The following ABHD17C variants were observed in gnomAD, a reference collection of about 807,000 sequenced individuals.
ABHD17C encodes abhydrolase domain containing 17C, depalmitoylase.
In ABHD17C, 11 loss-of-function variants were observed where a neutral mutation model predicts 27.9. The observed-to-expected ratio is 0.39, with a 90% CI of 0.25 to 0.65. The LOEUF (loss-of-function observed/expected upper bound fraction) is 0.65. Among genes scored for constraint, ABHD17C ranks in the 30% least tolerant of loss-of-function variants. The pLI, the probability that ABHD17C is intolerant of heterozygous loss-of-function variation, is 0.45. For synonymous variants in ABHD17C, 233 were observed against 209.1 expected, an observed-to-expected ratio of 1.11 and a Z score of -0.98; for missense variants, 280 against 470.2, an observed-to-expected ratio of 0.60 and a Z score of 3.74.
intron 1 of ABHD17C, among the ~76,000 whole-genome samples, chr15:80,731,527 G>A (rs1295092451): frequency 1.3e-5 from 2 of 150,980 alleles, no homozygotes; most frequent in African/African-American, 2.4e-5. Flanking sequence ...ATTGCCACCA[G>A]GCTTCCCTGA....
chr15:80,737,617 A>G (rs1195749300), intron 1 of ABHD17C, among the ~76,000 whole-genome samples: 1 of 152,192 alleles, frequency 6.6e-6, no homozygotes, highest in Non-Finnish European at 1.5e-5. Flanking sequence ...GTGCAGTTAA[A>G]CACATCCACC....
chr15:80,721,744 T>G (rs1894900276), intron 1 of ABHD17C, among the ~76,000 whole-genome samples: 1 of 152,136 alleles, frequency 6.6e-6, no homozygotes, highest in Non-Finnish European at 1.5e-5. Context: ...TGGTATTCCT[T>G]GCCAGGCCTC....
intron 1 of ABHD17C, among the ~76,000 whole-genome samples, chr15:80,725,606 G>A (rs566181491): frequency 1.9e-3 from 287 of 152,224 alleles, no homozygotes; most frequent in Non-Finnish European, 3.2e-3. Context: ...GTGAACTTCT[G>A]GCCTCAAGTG....
At chr15:80,702,022 T>C (rs62007948) in intron 1 of ABHD17C, among the ~76,000 whole-genome samples, 2,892 of 152,298 alleles carry the variant, frequency 0.019, 46 homozygotes, top group Non-Finnish European at 0.027. Context: ...ACAATTTACT[T>C]ACCCGTGGTT....
rs1017623447 is a variant in ABHD17C, at chr15:80,735,355, C to G, written c.591-14158C>G. ...TCCCAATTTGTGCCAATTTTCTCAA[C>G]ACTTACCTATAGAATTGTCTTTGAA... On this transcript the variant is annotated intron_variant, in intron 1 of 2. Coordinates refer to ENST00000258884, the MANE Select transcript of ABHD17C (RefSeq NM_021214.2). 6.6e-5 allele frequency among the ~76,000 whole-genome samples: 10 copies of G among 152,296 alleles called. No individual in the cohort carries two copies. In the Middle Eastern group the frequency reaches 0.01, roughly 155 times the overall value.
chr15:80,743,792 G>A (rs1895245520), intron 1 of ABHD17C, among the ~76,000 whole-genome samples: 1 of 152,072 alleles, frequency 6.6e-6, no homozygotes, highest in African/African-American at 2.4e-5. Flanking sequence ...TCACTTTGTT[G>A]TCCAGGCTGG....
Position 80,737,549 on chromosome 15 carries a change from C to A in ABHD17C, c.591-11964C>A, listed in dbSNP as rs141555191. ...TTGTTAACTTGCCCAAAGGGAGATACAATTTTATCTACCCTTGTGGAGCTT... is the reference window on the plus strand; with the variant it reads ...TTGTTAACTTGCCCAAAGGGAGATAAAATTTTATCTACCCTTGTGGAGCTT... On this transcript the variant is annotated intron_variant, in intron 1 of 2. Coordinates refer to ENST00000258884, the MANE Select transcript of ABHD17C (RefSeq NM_021214.2). Among the ~76,000 whole-genome samples the A allele has an allele frequency of 4.6e-3, 705 of 152,288 alleles. 3 individuals are homozygous for A. The highest frequency in any genetic ancestry group is 8.5e-3 in the South Asian group (41 of 4,828).
Position 80,749,637 on chromosome 15 carries a change from T to G in ABHD17C, c.715T>G (p.Leu239Val). Residue 239 changes from leucine (L) to valine (V), a missense_variant, in exon 2 of 3, where the codon TTG (leucine) becomes GTG (valine). Physicochemically the swap from Leu to Val is conservative, Grantham distance 32. This residue lies in a region of ABHD17C where 206 missense variants were observed against 394.7 expected (regional missense o/e 0.52). Transcript: ENST00000258884. ...VILHSPLMSG[L>V]RVAFPDTRKT... ...TCTCCATTCCCCTCTGATGTCTGGTTTGCGTGTGGCTTTTCCGGATACCAG... is the reference window on the plus strand; with the variant it reads ...TCTCCATTCCCCTCTGATGTCTGGTGTGCGTGTGGCTTTTCCGGATACCAG... 1 of 1,613,992 alleles carries G rather than the reference T, an allele frequency of 6.2e-7. No homozygotes were observed. The highest frequency in any genetic ancestry group is 8.5e-7 in the Non-Finnish European group (1 of 1,179,856).
At chr15:80,753,285 C>T (rs1895387777) in intron 2 of ABHD17C, among the ~76,000 whole-genome samples, 1 of 152,082 alleles carries the variant, frequency 6.6e-6, no homozygotes, top group Non-Finnish European at 1.5e-5. Flanking sequence ...AGAGGTCTGT[C>T]TTTAATAAAA....
At chr15:80,744,450 A>G (rs778580544) in intron 1 of ABHD17C, among the ~76,000 whole-genome samples, 2 of 152,206 alleles carry the variant, frequency 1.3e-5, no homozygotes, top group Non-Finnish European at 2.9e-5. Context: ...CTGTTCTACT[A>G]AAAATCCTGA....
chr15:80,730,645 G>T (rs1010972702), intron 1 of ABHD17C, among the ~76,000 whole-genome samples: 1 of 152,204 alleles, frequency 6.6e-6, no homozygotes, highest in African/African-American at 2.4e-5. Context: ...AGACACCAAG[G>T]TTGAGAATGT....
At chr15:80,716,752 G>A (rs768117848) in intron 1 of ABHD17C, among the ~76,000 whole-genome samples, 2 of 152,192 alleles carry the variant, frequency 1.3e-5, no homozygotes, top group Non-Finnish European at 2.9e-5. Context: ...AATCCTGGGT[G>A]AAGTAGATTA....
intron 2 of ABHD17C, among the ~76,000 whole-genome samples, chr15:80,753,605 G>C (rs977378528): frequency 1.3e-5 from 2 of 152,004 alleles, no homozygotes; most frequent in African/African-American, 4.8e-5. Context: ...GCAGTGGCAC[G>C]ATCTCAGCTC....
intron 1 of ABHD17C, among the ~76,000 whole-genome samples, chr15:80,721,067 C>T (rs922451080): frequency 6.6e-6 from 1 of 151,778 alleles, no homozygotes; most frequent in Admixed American, 6.6e-5. Context: ...TCTTTTATTA[C>T]AACTTCTATT....
chr15:80,732,922 C>T (rs531587809), intron 1 of ABHD17C, among the ~76,000 whole-genome samples: 2 of 152,222 alleles, frequency 1.3e-5, no homozygotes, highest in South Asian at 2.1e-4. Flanking sequence ...ACTTAGGCCT[C>T]GCTGTTTATG....
At chr15:80,737,184 G>A (rs1374593755) in intron 1 of ABHD17C, among the ~76,000 whole-genome samples, 2 of 152,218 alleles carry the variant, frequency 1.3e-5, no homozygotes, top group Non-Finnish European at 2.9e-5. Flanking sequence ...CACTGCCCGT[G>A]ACAAAGAGTA....
At chr15:80,704,240 C>G (rs1894611954) in intron 1 of ABHD17C, among the ~76,000 whole-genome samples, 1 of 152,184 alleles carries the variant, frequency 6.6e-6, no homozygotes, top group African/African-American at 2.4e-5. Flanking sequence ...CCCTGTTCCT[C>G]TCTCTCCAGC....
chr15:80,705,333 T>TTGTGTGTGTGTGTG (rs1555421862), intron 1 of ABHD17C, among the ~76,000 whole-genome samples: 10,415 of 106,778 alleles, frequency 0.098, 970 homozygotes, highest in East Asian at 0.44. Flanking sequence ...TTCCTATGAT[T>TTGTGTGTGTGTGTG]TGTGTGTGTG....
chr15:80,724,835 G>A (rs1394075589), intron 1 of ABHD17C, among the ~76,000 whole-genome samples: 7 of 152,112 alleles, frequency 4.6e-5, no homozygotes, highest in Admixed American at 1.3e-4. Context: ...GGAGTTTTCT[G>A]CTCCTGGCCC....
Sources: gnomAD v4.1 joint callset for allele counts (sites outside exome capture counted in the v4.1 genomes callset) on GRCh38, gnomAD v4.1.1 for gene constraint, gnomAD v4.1.1 regional missense constraint, MANE v1.5 for transcripts, NCBI Gene and HGNC (gene_info 2026-07-23, HGNC 2026-07-21) for gene names.